The following UNC5D variants were observed in gnomAD, a reference collection of about 807,000 sequenced individuals.
UNC5D encodes the protein netrin receptor UNC5D.
Under a neutral mutation model 105.4 loss-of-function variants are expected in UNC5D, and 39 were observed. The observed-to-expected ratio is 0.37, with a 90% CI of 0.29 to 0.48. The LOEUF (loss-of-function observed/expected upper bound fraction) is 0.48, where lower values mean the gene tolerates loss of function less well. Ranked by LOEUF, UNC5D falls within the 20% of genes least tolerant of loss-of-function variation. The pLI is 0.98. For missense variants in UNC5D, 991 were observed against 1,202.4 expected (o/e 0.82, Z 2.60); for synonymous variants, 452 against 450.4 (o/e 1.00, Z -0.04).
At chr8:35,335,266 A>G (rs2980380) in intron 1 of UNC5D, among the ~76,000 whole-genome samples, 151,346 of 152,316 alleles carry the variant, frequency 0.99, 75,198 homozygotes, top group East Asian at 1. Flanking sequence ...TTTGTGTGGT[A>G]ATACTTTCAA....
chr8:35,496,696 T>C (rs1811620744), intron 1 of UNC5D, among the ~76,000 whole-genome samples: 1 of 152,166 alleles, frequency 6.6e-6, no homozygotes, highest in African/African-American at 2.4e-5. Context: ...AATTTTAGTA[T>C]ATTTTTAGAA....
In UNC5D at chr8:35,670,133, A is replaced by T. The variant is rs149315095; in HGVS notation, c.571-13414A>T. ...GAGGAAAGAATATATGGTATTATAA[A>T]AACAGGTGAAAGAACAAATTCAAGA... On this transcript the variant is annotated intron_variant, in intron 4 of 16. Transcript: ENST00000404895. Among the ~76,000 whole-genome samples the T allele has an allele frequency of 4.8e-3, 735 of 152,284 alleles. 1 individual carries two copies. Among genetic ancestry groups the T allele is most frequent in the Non-Finnish European group, 8.2e-3 (561 of 68,008 alleles).
intron 4 of UNC5D, among the ~76,000 whole-genome samples, chr8:35,613,127 G>A (rs1820798941): frequency 6.6e-6 from 1 of 152,168 alleles, no homozygotes; most frequent in Non-Finnish European, 1.5e-5. Context: ...TCCCAAGCTG[G>A]AGTGCAGTGG....
At chr8:35,692,956 G>A (rs1377253086) in intron 7 of UNC5D, among the ~76,000 whole-genome samples, 2 of 152,044 alleles carry the variant, frequency 1.3e-5, no homozygotes, top group Non-Finnish European at 2.9e-5. Flanking sequence ...ATATAATATT[G>A]CAGACCCACA....
At chr8:35,562,702 T>A (rs971134002) in intron 2 of UNC5D, among the ~76,000 whole-genome samples, 1 of 152,128 alleles carries the variant, frequency 6.6e-6, no homozygotes, top group Admixed American at 6.5e-5. Flanking sequence ...ACTCCTCATA[T>A]GTTCGGTTAT....
At chr8:35,254,780 G>A (rs1475464009) in intron 1 of UNC5D, 1 of 151,686 alleles carries the variant, frequency 6.6e-6, no homozygotes, top group Non-Finnish European at 1.5e-5. Flanking sequence ...CTTTTTTATG[G>A]TATCTCTCAC....
chr8:35,378,846 A>AT (rs1481274552), intron 1 of UNC5D, among the ~76,000 whole-genome samples: 1 of 152,148 alleles, frequency 6.6e-6, no homozygotes, highest in African/African-American at 2.4e-5. Flanking sequence ...TAGAATGGGA[A>AT]TGGTGGGCTG....
chr8:35,682,043 T>C (rs1236086175), intron 4 of UNC5D, among the ~76,000 whole-genome samples: 4 of 152,110 alleles, frequency 2.6e-5, no homozygotes, highest in African/African-American at 9.7e-5. Flanking sequence ...CAGCTCACTG[T>C]AACCTCTGCC....
chr8:35,464,074 C>T (rs900777214), intron 1 of UNC5D, among the ~76,000 whole-genome samples: 55 of 152,120 alleles, frequency 3.6e-4, no homozygotes, highest in Admixed American at 3.6e-3. Context: ...CGCCTGTAAT[C>T]CCAGCACTTT....
At chr8:35,263,556 G>A (rs1240613014) in intron 1 of UNC5D, among the ~76,000 whole-genome samples, 1 of 152,090 alleles carries the variant, frequency 6.6e-6, no homozygotes, top group African/African-American at 2.4e-5. Context: ...CACTGCACCT[G>A]ACTAAATAAT....
intron 3 of UNC5D, among the ~76,000 whole-genome samples, chr8:35,578,534 G>T (rs1818260625): frequency 6.6e-6 from 1 of 152,178 alleles, no homozygotes; most frequent in Non-Finnish European, 1.5e-5. Context: ...CATGGATACA[G>T]TATGGAGTGA....
chr8:35,687,678 C>T (rs766688895), intron 7 of UNC5D, among the ~76,000 whole-genome samples: 3 of 152,148 alleles, frequency 2.0e-5, no homozygotes, highest in Non-Finnish European at 4.4e-5. Flanking sequence ...CAATTTGGTG[C>T]TCTTCCTTAT....
intron 1 of UNC5D, among the ~76,000 whole-genome samples, chr8:35,361,157 C>T (rs1366700975): frequency 6.6e-6 from 1 of 151,918 alleles, no homozygotes; most frequent in Non-Finnish European, 1.5e-5. Context: ...AAGGTTCAAT[C>T]GTCTGCTAAT....
intron 7 of UNC5D, among the ~76,000 whole-genome samples, chr8:35,697,140 TACACAC>T (rs10552113): frequency 1.8e-4 from 27 of 148,318 alleles, no homozygotes; most frequent in African/African-American, 3.0e-4. Context: ...TATATATACA[TACACAC>T]ACACACACAC....
At chr8:35,360,635 T>C (rs1801805122) in intron 1 of UNC5D, among the ~76,000 whole-genome samples, 1 of 152,208 alleles carries the variant, frequency 6.6e-6, no homozygotes, top group Non-Finnish European at 1.5e-5. Context: ...ACATTTCAAC[T>C]ACAGCTGTGT....
At chr8:35,324,958 C>G (rs931337749) in intron 1 of UNC5D, among the ~76,000 whole-genome samples, 1 of 152,098 alleles carries the variant, frequency 6.6e-6, no homozygotes, top group Non-Finnish European at 1.5e-5. Context: ...AGGAATGGTG[C>G]TGAATGATAT....
intron 4 of UNC5D, among the ~76,000 whole-genome samples, chr8:35,674,409 A>ATG (rs1220285383): frequency 6.6e-6 from 1 of 151,822 alleles, no homozygotes; most frequent in Non-Finnish European, 1.5e-5. Context: ...GTGTTTGTGT[A>ATG]TGTGTGTGTG....
chr8:35,639,759 T>C (rs1387047953), intron 4 of UNC5D, among the ~76,000 whole-genome samples: 2 of 152,178 alleles, frequency 1.3e-5, no homozygotes, highest in African/African-American at 4.8e-5. Context: ...TTTTTTCTTT[T>C]TTTAAGACAA....
chr8:35,538,510 G>T (rs1815037652), intron 1 of UNC5D, among the ~76,000 whole-genome samples: 1 of 148,926 alleles, frequency 6.7e-6, no homozygotes, highest in South Asian at 2.1e-4. Context: ...TGACATGTTT[G>T]AATTTGAATT....
Sources: allele counts gnomAD v4.1 joint callset (sites outside exome capture counted in the v4.1 genomes callset), GRCh38; gene constraint gnomAD v4.1.1; transcripts MANE v1.5; gene names NCBI Gene and HGNC (gene_info 2026-07-23, HGNC 2026-07-21).